Variants in MED12L observed in about 807,000 individuals in gnomAD.
MED12L encodes mediator complex subunit 12L, also known as mediator of RNA polymerase II transcription subunit 12-like protein.
Under a neutral mutation model 281.3 loss-of-function variants are expected in MED12L, and 60 were observed. The observed-to-expected ratio is 0.21, with a 90% CI of 0.17 to 0.26. The LOEUF is 0.26. MED12L is among the 10% of genes least tolerant of loss of function. The pLI, the probability that MED12L is intolerant of heterozygous loss-of-function variation, is 1.00. For synonymous variants in MED12L, 974 were observed against 987.2 expected (o/e 0.99, Z 0.25); for missense variants, 2,146 against 2,680.9 (o/e 0.80, Z 4.41).
intron 25 of MED12L, among the ~76,000 whole-genome samples, chr3:151,368,675 ATGTCATTTCATT>A: frequency 1.5e-5 from 1 of 67,546 alleles, no homozygotes. Context: ...ATTTCATTTC[ATGTCATTTCATT>A]TTATTTCATT....
At chr3:151,107,021 G>A (rs977495215) in intron 2 of MED12L, among the ~76,000 whole-genome samples, 6 of 149,804 alleles carry the variant, frequency 4.0e-5, no homozygotes, top group Admixed American at 4.0e-4. Context: ...TATTTAATTA[G>A]CATTTAATGT....
At chr3:151,241,366 T>C (rs1734040568) in intron 16 of MED12L, among the ~76,000 whole-genome samples, 2 of 152,234 alleles carry the variant, frequency 1.3e-5, no homozygotes. Context: ...TAGATTTTAT[T>C]GTAGTTTTCA....
At chr3:151,334,196 C>CTTTTTTTTTTTTTT (rs71138494) in intron 16 of MED12L, among the ~76,000 whole-genome samples, 34 of 118,192 alleles carry the variant, frequency 2.9e-4, no homozygotes, top group African/African-American at 7.7e-4. Flanking sequence ...TTCTTTCTTT[C>CTTTTTTTTTTTTTT]TTTTTTTTTT....
At chr3:151,241,269 A>G (rs142020583) in intron 16 of MED12L, among the ~76,000 whole-genome samples, 27 of 152,352 alleles carry the variant, frequency 1.8e-4, no homozygotes, top group Admixed American at 9.8e-4. Flanking sequence ...AAAAATGGCA[A>G]TACCAAAGGT....
At chr3:151,262,932 G>T (rs1402188480) in intron 16 of MED12L, among the ~76,000 whole-genome samples, 1 of 152,188 alleles carries the variant, frequency 6.6e-6, no homozygotes, top group Non-Finnish European at 1.5e-5. Flanking sequence ...AAGACACGTA[G>T]CTGGTAAGGA....
At chr3:151,374,970 A>G (rs943816951) in intron 27 of MED12L, among the ~76,000 whole-genome samples, 1 of 152,150 alleles carries the variant, frequency 6.6e-6, no homozygotes, top group African/African-American at 2.4e-5. Context: ...ATTATTTTGT[A>G]CTTTGCTATA....
chr3:151,245,086 G>A (rs529920301), intron 16 of MED12L, among the ~76,000 whole-genome samples: 21 of 152,288 alleles, frequency 1.4e-4, no homozygotes, highest in East Asian at 1.2e-3. Context: ...TTGAATCTCT[G>A]AATAGACCAA....
At chr3:151,110,618 C>G (rs1711720329) in intron 2 of MED12L, among the ~76,000 whole-genome samples, 1 of 152,160 alleles carries the variant, frequency 6.6e-6, no homozygotes, top group Non-Finnish European at 1.5e-5. Context: ...CTCTAGGTCC[C>G]TGACCTAAAG....
chr3:151,383,761 C>G lies in MED12L; in HGVS notation c.4681-18C>G, dbSNP rs1020326309. On this transcript the variant is annotated intron_variant, in intron 33 of 44. Transcript: ENST00000687756. ...TGTTTTACAGAATGCAAATATCTTACTGTATTTTGTCTGCTAGGTAGGAGG... is the reference window on the plus strand; with the variant it reads ...TGTTTTACAGAATGCAAATATCTTAGTGTATTTTGTCTGCTAGGTAGGAGG... The G allele has an allele frequency of 2.6e-6, 4 of 1,525,042 alleles. No individual in the cohort carries two copies. The African/African-American group carries it at 4.1e-5, about 16-fold the overall frequency. The allele number at this position is 1,525,042 out of a possible 1,614,324, so 94.5% of individuals were successfully genotyped here. A position where few individuals can be genotyped will look rare whatever the true frequency, so the allele number is the denominator to read the frequency against.
rs112064428 is a variant in MED12L, at chr3:151,230,361, C to G, written c.2250+36695C>G. Among the ~76,000 whole-genome samples, 1,037 of 152,326 alleles carry G rather than the reference C, an allele frequency of 6.8e-3. 7 individuals are homozygous for G. Among genetic ancestry groups the G allele is most frequent in the South Asian group, 0.014 (70 of 4,828 alleles). Reference sequence around the variant, plus strand: ...CCCATGAATTTCAATAGAAGTCAGTCAAGTACAGTGTAAGAAAATAGTCTT... The same window carrying G: ...CCCATGAATTTCAATAGAAGTCAGTGAAGTACAGTGTAAGAAAATAGTCTT... On this transcript the variant is annotated intron_variant, in intron 16 of 44. Transcript: ENST00000687756.
chr3:151,106,233 C>CTTCCTTTCCTTTCCT (rs574571446), intron 2 of MED12L, among the ~76,000 whole-genome samples: 1 of 139,346 alleles, frequency 7.2e-6, no homozygotes, highest in African/African-American at 2.5e-5. Flanking sequence ...TCCTTCCTTC[C>CTTCCTTTCCTTTCCT]TTCCTTTCCT....
intron 16 of MED12L, chr3:151,337,048 A>G (rs6803224): frequency 0.73 from 111,610 of 151,956 alleles, 41,279 homozygotes; most frequent in Middle Eastern, 0.86. Flanking sequence ...GTAAGTGTCA[A>G]TGATGGTATT....
chr3:151,351,910 A>G (rs747919961), intron 17 of MED12L, among the ~76,000 whole-genome samples: 80 of 152,156 alleles, frequency 5.3e-4, no homozygotes, highest in Non-Finnish European at 2.2e-4. Context: ...CAAATAGGCA[A>G]TTCTAGCATA....
chr3:151,119,410 C>T (rs2148757385), intron 3 of MED12L, among the ~76,000 whole-genome samples: 1 of 152,304 alleles, frequency 6.6e-6, no homozygotes, highest in African/African-American at 2.4e-5. Context: ...ATGCGTCTCT[C>T]CTTGGCTTGC....
At chr3:151,313,311 A>T (rs1477317726) in intron 16 of MED12L, among the ~76,000 whole-genome samples, 1 of 152,220 alleles carries the variant, frequency 6.6e-6, no homozygotes, top group Non-Finnish European at 1.5e-5. Context: ...TTGGCCATTT[A>T]TCTACTGTAG....
At chr3:151,429,709 C>G (rs114931109) in intron 43 of MED12L, among the ~76,000 whole-genome samples, 2,676 of 152,242 alleles carry the variant, frequency 0.018, 36 homozygotes, top group Non-Finnish European at 0.028. Flanking sequence ...CCTGTATTTG[C>G]ATGGCCCTGG....
intron 40 of MED12L, among the ~76,000 whole-genome samples, chr3:151,410,511 A>G (rs771390247): frequency 6.6e-6 from 1 of 152,246 alleles, no homozygotes; most frequent in Non-Finnish European, 1.5e-5. Flanking sequence ...TTGAAGAGCA[A>G]TGTTGTTCTA....
At chr3:151,229,456 G>A (rs1422209885) in intron 16 of MED12L, among the ~76,000 whole-genome samples, 5 of 144,908 alleles carry the variant, frequency 3.5e-5, no homozygotes, top group African/African-American at 1.3e-4. Flanking sequence ...ACAGGCTCGT[G>A]CCACCATGCC....
chr3:151,324,475 T>C (rs1445857478), intron 16 of MED12L, among the ~76,000 whole-genome samples: 1 of 152,134 alleles, frequency 6.6e-6, no homozygotes, highest in African/African-American at 2.4e-5. Flanking sequence ...TGAATTCACT[T>C]GAGAAAATTA....
Sources: allele counts gnomAD v4.1 joint callset (sites outside exome capture counted in the v4.1 genomes callset), GRCh38; gene constraint gnomAD v4.1.1; transcripts MANE v1.5; gene names NCBI Gene and HGNC (gene_info 2026-07-23, HGNC 2026-07-21).